GPC3: variants seen among roughly 807,000 people sequenced by gnomAD.
GPC3 encodes the protein glypican-3.
GPC3 carries 3 observed loss-of-function variants against 34.4 expected under a neutral mutation model. The ratio of observed to expected loss-of-function variants is 0.09; its 90% CI spans 0.04 to 0.23. GPC3 has a LOEUF of 0.23. GPC3 is among the 10% of genes least tolerant of loss of function. The probability of loss-of-function intolerance (pLI) is 1.00; values close to 1 mark genes in which losing one functional copy is unlikely to be tolerated. For synonymous variants in GPC3, 177 were observed against 174.0 expected (o/e 1.02, Z -0.13); for missense variants, 351 against 445.6 (o/e 0.79, Z 1.91).
chrX:133,701,238 T>C (rs899258934), intron 3 of GPC3, among the ~76,000 whole-genome samples: 4 of 111,768 alleles, frequency 3.6e-5, no homozygotes, highest in African/African-American at 1.3e-4. Context: ...TGAACCTCCA[T>C]ATAAAGAAAT....
At chrX:133,709,364 T>C (rs1235787212) in intron 3 of GPC3, among the ~76,000 whole-genome samples, 2 of 111,408 alleles carry the variant, frequency 1.8e-5, no homozygotes, top group Non-Finnish European at 3.8e-5. Context: ...ATTCGCTTTG[T>C]GGTACCTTGG....
intron 7 of GPC3, among the ~76,000 whole-genome samples, chrX:133,580,965 C>A (rs1352674882): frequency 8.9e-6 from 1 of 112,338 alleles, no homozygotes; most frequent in Non-Finnish European, 1.9e-5. Flanking sequence ...GATTACTGAG[C>A]CAACAAAATG....
At chrX:133,801,475 C>T (rs1432852689) in intron 2 of GPC3, among the ~76,000 whole-genome samples, 1 of 111,563 alleles carries the variant, frequency 9.0e-6, no homozygotes, top group Non-Finnish European at 1.9e-5. Context: ...TCAATAAGGC[C>T]TTATGTAGTC....
At chrX:133,638,517 T>C (rs1282495041) in intron 6 of GPC3, among the ~76,000 whole-genome samples, 1 of 111,582 alleles carries the variant, frequency 9.0e-6, no homozygotes, top group East Asian at 2.8e-4. Context: ...CAATAATGTA[T>C]TGTGCTCTCC....
intron 3 of GPC3, among the ~76,000 whole-genome samples, chrX:133,739,289 T>C (rs1474557263): frequency 1.8e-5 from 2 of 111,405 alleles, no homozygotes; most frequent in African/African-American, 6.5e-5. Context: ...ATGATGGTGC[T>C]ACTAATGAGA....
intron 7 of GPC3, among the ~76,000 whole-genome samples, chrX:133,571,277 T>C (rs774989287): frequency 3.2e-4 from 36 of 111,864 alleles, no homozygotes; most frequent in African/African-American, 1.1e-3. Flanking sequence ...CAGTTAAGCA[T>C]CACATTTACT....
At chrX:133,837,223 A>C (rs1252247400) in intron 2 of GPC3, among the ~76,000 whole-genome samples, 5 of 111,270 alleles carry the variant, frequency 4.5e-5, no homozygotes. Context: ...GCTCAGAGAA[A>C]ATGCTGAGAC....
At chrX:133,907,973 C>T (rs73568933) in intron 2 of GPC3, among the ~76,000 whole-genome samples, 9,294 of 109,794 alleles carry the variant, frequency 0.085, 974 homozygotes, top group African/African-American at 0.29. Context: ...TATTCCTTTG[C>T]TAATTTTCGA....
chrX:133,804,028 AC>A (rs758418178), intron 2 of GPC3, among the ~76,000 whole-genome samples: 2 of 106,405 alleles, frequency 1.9e-5, no homozygotes, highest in East Asian at 3.0e-4. Flanking sequence ...ACAAATAATT[AC>A]CCCCCCCTTT....
chrX:133,852,985 CAAAAAAAAAAAAA>C lies in GPC3; in HGVS notation c.338-98822_338-98810del, dbSNP rs33927142. Among the ~76,000 whole-genome samples the C allele has an allele frequency of 6.5e-3, 272 of 42,158 alleles. 1 individual carries two copies. The highest frequency in any genetic ancestry group is 0.023 in the African/African-American group (253 of 10,993). The allele number at this position is 42,158 out of a possible 115,157, so 36.6% of individuals were successfully genotyped here. The stretch of plus-strand genomic sequence containing the variant: ...AATTTGACGTGCAATTTTTAAATTC[CAAAAAAAAAAAAA>C]AAAAAAAAAAAGCTTTCTTCTGTTT... On this transcript the variant is annotated intron_variant, in intron 2 of 7. Coordinates refer to ENST00000370818, the MANE Select transcript of GPC3 (RefSeq NM_004484.4).
At chrX:133,661,619 TCTCTCTCTCTCTCTCCCC>T (rs2070723878) in intron 6 of GPC3, 93 bp downstream of exon 6, 1 of 23,554 alleles carries the variant, frequency 4.2e-5, no homozygotes. Flanking sequence ...TCTCTCTCTC[TCTCTCTCTCTCTCTCCCC>T]CCCCCCTCTC....
intron 2 of GPC3, among the ~76,000 whole-genome samples, chrX:133,843,092 A>G (rs2075832668): frequency 1.8e-5 from 2 of 111,960 alleles, no homozygotes; most frequent in South Asian, 7.6e-4. Flanking sequence ...TCCAACTTGC[A>G]GCCATGTTAT....
At chrX:133,820,725 G>T (rs746122162) in intron 2 of GPC3, among the ~76,000 whole-genome samples, 2 of 111,873 alleles carry the variant, frequency 1.8e-5, no homozygotes, top group Non-Finnish European at 3.8e-5. Flanking sequence ...ATACTCTCAC[G>T]TACTTTCTTT....
chrX:133,764,291 C>G (rs1294207990), intron 2 of GPC3, among the ~76,000 whole-genome samples: 1 of 111,222 alleles, frequency 9.0e-6, no homozygotes, highest in Non-Finnish European at 1.9e-5. Flanking sequence ...TAAAAATTAA[C>G]TACTGGATAC....
chrX:133,621,200 C>T (rs1236576670), intron 6 of GPC3, among the ~76,000 whole-genome samples: 1 of 111,384 alleles, frequency 9.0e-6, no homozygotes. Context: ...CCAAGATGGC[C>T]GAATAGGAAC....
At chrX:133,595,338 T>C (rs964564385) in intron 7 of GPC3, among the ~76,000 whole-genome samples, 2 of 111,020 alleles carry the variant, frequency 1.8e-5, no homozygotes, top group South Asian at 3.8e-4. Context: ...TTCTAGTTCT[T>C]CCATATAGAG....
intron 2 of GPC3, among the ~76,000 whole-genome samples, chrX:133,860,212 A>G (rs1254408218): frequency 1.8e-5 from 2 of 111,593 alleles, no homozygotes; most frequent in Non-Finnish European, 3.8e-5. Flanking sequence ...GCTTTCGTTC[A>G]TGTGTTATCA....
intron 5 of GPC3, among the ~76,000 whole-genome samples, chrX:133,670,230 C>G (rs1002306098): frequency 2.7e-5 from 3 of 111,577 alleles, no homozygotes; most frequent in Non-Finnish European, 5.6e-5. Flanking sequence ...GCACTCTCAG[C>G]GATCATCTGG....
intron 5 of GPC3, among the ~76,000 whole-genome samples, chrX:133,680,012 C>A (rs1384176440): frequency 1.8e-5 from 2 of 111,564 alleles, no homozygotes; most frequent in African/African-American, 3.3e-5. Context: ...TGTAAAAGCT[C>A]TCAATATAGT....
Sources: gnomAD v4.1 joint callset for allele counts (sites outside exome capture counted in the v4.1 genomes callset) on GRCh38, gnomAD v4.1.1 for gene constraint, MANE v1.5 for transcripts, NCBI Gene and HGNC (gene_info 2026-07-23, HGNC 2026-07-21) for gene names.